Variants in SUPT3H observed in about 807,000 individuals in gnomAD.
The protein encoded by SUPT3H is transcription initiation protein SPT3 homolog.
In SUPT3H, 44 loss-of-function variants were observed where a neutral mutation model predicts 44.3. That is an observed-to-expected ratio of 0.99 (90% confidence interval 0.78 to 1.28). The LOEUF is 1.28. Among genes scored for constraint, SUPT3H ranks in the 50% most tolerant of loss-of-function variants. SUPT3H has a pLI of 0.00. For missense variants in SUPT3H, 380 were observed against 387.1 expected, an observed-to-expected ratio of 0.98 and a Z score of 0.15; for synonymous variants, 124 against 125.6, an observed-to-expected ratio of 0.99 and a Z score of 0.09.
chr6:45,159,258 A>T (rs1263689967), intron 2 of SUPT3H: 1 of 152,224 alleles, frequency 6.6e-6, no homozygotes, highest in Non-Finnish European at 1.5e-5. Context: ...ATTCAATGAC[A>T]TTGATTCCAC....
chr6:44,927,085 C>T (rs1769625426), intron 10 of SUPT3H, among the ~76,000 whole-genome samples: 1 of 151,380 alleles, frequency 6.6e-6, no homozygotes. Context: ...CTATTTATAA[C>T]CTAAATAAAG....
chr6:45,208,120 A>G (rs1763484195), intron 2 of SUPT3H, among the ~76,000 whole-genome samples: 1 of 152,202 alleles, frequency 6.6e-6, no homozygotes, highest in Non-Finnish European at 1.5e-5. Flanking sequence ...TAAGAAAGCA[A>G]AACAACTTCA....
At chr6:45,220,311 C>A (rs1259778279) in intron 2 of SUPT3H, among the ~76,000 whole-genome samples, 3 of 151,344 alleles carry the variant, frequency 2.0e-5, no homozygotes, top group Non-Finnish European at 2.9e-5. Context: ...GTTCAACATT[C>A]AAAAATAAAG....
chr6:45,256,840 G>A (rs13340473), intron 2 of SUPT3H, among the ~76,000 whole-genome samples: 1 of 152,182 alleles, frequency 6.6e-6, no homozygotes, highest in African/African-American at 2.4e-5. Flanking sequence ...CTCACGCACT[G>A]ATGAACATTT....
At chr6:45,371,246 A>T (rs1478740851) in intron 1 of SUPT3H, among the ~76,000 whole-genome samples, 5 of 152,204 alleles carry the variant, frequency 3.3e-5, no homozygotes, top group South Asian at 4.1e-4. Context: ...AGAATTCTGC[A>T]TTAAACATAA....
In SUPT3H at chr6:45,189,003, T is replaced by C. The variant is rs1051254077; in HGVS notation, c.102-82997A>G. 9.8e-5 allele frequency among the ~76,000 whole-genome samples: 15 copies of C among 152,332 alleles called. No individual in the cohort carries two copies. In the South Asian group the frequency reaches 2.1e-3, roughly 21 times the overall value. On this transcript the variant is annotated intron_variant, in intron 2 of 10. Transcript: ENST00000371459. ...GTTTTTTTGCTAGAGATGAGGTCTA[T>C]GTTGCCCAAGGTGGTCTTGAACTCA...
chr6:44,844,047 A>G (rs535915736), intron 10 of SUPT3H, among the ~76,000 whole-genome samples: 1 of 152,160 alleles, frequency 6.6e-6, no homozygotes, highest in Admixed American at 6.5e-5. Flanking sequence ...TGGCACAGAT[A>G]GAAATGCAGA....
chr6:44,855,792 A>G (rs955748928), intron 10 of SUPT3H, among the ~76,000 whole-genome samples: 1 of 151,908 alleles, frequency 6.6e-6, no homozygotes, highest in African/African-American at 2.4e-5. Flanking sequence ...GCAGTCAAGC[A>G]TTTACACTAC....
chr6:44,901,224 C>T (rs1395979302), intron 10 of SUPT3H, among the ~76,000 whole-genome samples: 10 of 152,134 alleles, frequency 6.6e-5, no homozygotes, highest in East Asian at 1.9e-4. Flanking sequence ...CAAACTACTC[C>T]GAGCTAAAGG....
intron 2 of SUPT3H, among the ~76,000 whole-genome samples, chr6:45,210,904 G>A (rs1763982628): frequency 6.6e-6 from 1 of 152,074 alleles, no homozygotes; most frequent in South Asian, 2.1e-4. Flanking sequence ...TCCAAGACCA[G>A]GTCCAAGTAC....
intron 1 of SUPT3H, among the ~76,000 whole-genome samples, chr6:45,373,376 A>G (rs1796350368): frequency 6.6e-6 from 1 of 152,200 alleles, no homozygotes; most frequent in Admixed American, 6.5e-5. Flanking sequence ...TCATTAGTAT[A>G]ACCTATTAGG....
chr6:44,891,170 T>C (rs921881350), intron 10 of SUPT3H, among the ~76,000 whole-genome samples: 2 of 151,782 alleles, frequency 1.3e-5, no homozygotes, highest in Admixed American at 6.6e-5. Flanking sequence ...AAAAAAGAAA[T>C]AAAAAATAAA....
chr6:45,125,648 C>T (rs1802322511), intron 2 of SUPT3H, among the ~76,000 whole-genome samples: 2 of 152,284 alleles, frequency 1.3e-5, no homozygotes, highest in Non-Finnish European at 2.9e-5. Flanking sequence ...TCTCCACTTA[C>T]ACTCTTGCTC....
At chr6:45,096,766 C>G (rs191596291) in intron 3 of SUPT3H, among the ~76,000 whole-genome samples, 2,664 of 152,018 alleles carry the variant, frequency 0.018, 52 homozygotes, top group South Asian at 0.084. Context: ...AAAATATCAA[C>G]AGTAGATATT....
chr6:45,022,100 G>C (rs1785224704), intron 3 of SUPT3H, among the ~76,000 whole-genome samples: 1 of 152,004 alleles, frequency 6.6e-6, no homozygotes, highest in East Asian at 1.9e-4. Flanking sequence ...AATCAGTGTT[G>C]AGAAGAATAT....
At chr6:45,050,450 G>T (rs369550822) in intron 3 of SUPT3H, among the ~76,000 whole-genome samples, 3 of 150,196 alleles carry the variant, frequency 2.0e-5, no homozygotes, top group Non-Finnish European at 3.0e-5. Flanking sequence ...GAAAGGCAAA[G>T]AAAAAAAAAA....
At chr6:44,887,897 G>C (rs916043529) in intron 10 of SUPT3H, among the ~76,000 whole-genome samples, 4 of 151,942 alleles carry the variant, frequency 2.6e-5, no homozygotes, top group Non-Finnish European at 4.4e-5. Flanking sequence ...AGAAAAGAGA[G>C]AAGAACCAAA....
intron 9 of SUPT3H, among the ~76,000 whole-genome samples, chr6:44,943,813 G>GT (rs1250510377): frequency 6.6e-6 from 1 of 151,732 alleles, no homozygotes; most frequent in East Asian, 1.9e-4. Context: ...TGAAGAAAAA[G>GT]TAAAGACTTT....
At chr6:44,838,952 C>A (rs9472379) in intron 10 of SUPT3H, among the ~76,000 whole-genome samples, 13,148 of 152,172 alleles carry the variant, frequency 0.086, 947 homozygotes, top group African/African-American at 0.19. Flanking sequence ...TGGACATTTA[C>A]AATAATATGC....
Sources: allele counts gnomAD v4.1 joint callset (sites outside exome capture counted in the v4.1 genomes callset), GRCh38; gene constraint gnomAD v4.1.1; transcripts MANE v1.5; gene names NCBI Gene and HGNC (gene_info 2026-07-23, HGNC 2026-07-21).